AGBL1: variants seen among roughly 807,000 people sequenced by gnomAD.
The protein encoded by AGBL1 is cytosolic carboxypeptidase 4.
Under a neutral mutation model 118.9 loss-of-function variants are expected in AGBL1, and 130 were observed. The ratio of observed to expected loss-of-function variants is 1.09; its 90% CI spans 0.95 to 1.26. The LOEUF (loss-of-function observed/expected upper bound fraction) is 1.26. AGBL1 is among the 50% of genes most tolerant of loss of function. The probability of loss-of-function intolerance (pLI) is 0.00; values close to 1 mark genes in which losing one functional copy is unlikely to be tolerated. For missense variants in AGBL1, 1,584 were observed against 1,298.1 expected, an observed-to-expected ratio of 1.22 and a Z score of -3.38; for synonymous variants, 555 against 478.9, an observed-to-expected ratio of 1.16 and a Z score of -2.08.
At position 86,428,539 on chromosome 15, in the gene AGBL1, T is replaced by C. The variant is rs16977081; in HGVS notation, c.2555+30993T>C. On this transcript the variant is annotated intron_variant, in intron 18 of 22. Coordinates refer to ENST00000614907, the MANE Select transcript of AGBL1 (RefSeq NM_001386094.1). ...TATTGGACAAATCCAGTAAAAGATA[T>C]GCATTGTGTTTTTCATATGTCTTTG... 3.2e-3 allele frequency among the ~76,000 whole-genome samples: 482 copies of C among 152,344 alleles called. 1 individual carries two copies. Among genetic ancestry groups the C allele is most frequent in the African/African-American group, 0.011 (455 of 41,580 alleles).
chr15:86,965,312 A>T (rs976797717), intron 23 of AGBL1, among the ~76,000 whole-genome samples: 1 of 152,012 alleles, frequency 6.6e-6, no homozygotes, highest in African/African-American at 2.4e-5. Flanking sequence ...TGACTTTTTA[A>T]TGATTGCCAT....
chr15:86,438,151 C>T (rs939507357), intron 18 of AGBL1, among the ~76,000 whole-genome samples: 3 of 152,100 alleles, frequency 2.0e-5, no homozygotes, highest in Non-Finnish European at 4.4e-5. Context: ...CATGATCCAT[C>T]CATCTCGGCC....
In AGBL1 at chr15:86,649,007, C is replaced by G. The variant is rs545949047; in HGVS notation, c.2995-25266C>G. 5.9e-3 allele frequency among the ~76,000 whole-genome samples: 891 copies of G among 152,142 alleles called. 8 individuals carry two copies. Among genetic ancestry groups the G allele is most frequent in the African/African-American group, 0.02 (839 of 41,504 alleles). ...GAAGGAAGAGTGATATGAAGAGACC[C>G]TTTTTAAGAGATGGAGAAATGATAC... On this transcript the variant is annotated intron_variant, in intron 21 of 22. Coordinates refer to ENST00000614907, the MANE Select transcript of AGBL1 (RefSeq NM_001386094.1).
intron 22 of AGBL1, among the ~76,000 whole-genome samples, chr15:86,798,135 C>A (rs927664647): frequency 1.3e-5 from 2 of 152,084 alleles, no homozygotes; most frequent in African/African-American, 4.8e-5. Flanking sequence ...GACCATAGAA[C>A]AGAAATTCAG....
chr15:86,437,171 G>A (rs2082009936), intron 18 of AGBL1, among the ~76,000 whole-genome samples: 1 of 152,204 alleles, frequency 6.6e-6, no homozygotes, highest in Non-Finnish European at 1.5e-5. Context: ...GTATGGACTA[G>A]AGAAGCTAAA....
intron 22 of AGBL1, among the ~76,000 whole-genome samples, chr15:86,885,078 T>C (rs1436016151): frequency 6.6e-6 from 1 of 151,040 alleles, no homozygotes; most frequent in African/African-American, 2.4e-5. Flanking sequence ...AAATAAATTA[T>C]AATATATAAC....
intron 6 of AGBL1, among the ~76,000 whole-genome samples, chr15:86,244,143 A>C (rs1159826880): frequency 6.6e-6 from 1 of 151,984 alleles, no homozygotes; most frequent in Non-Finnish European, 1.5e-5. Context: ...AAAATTAAGC[A>C]ACATAAAAAT....
chr15:86,165,347 A>G (rs1178707752), intron 5 of AGBL1, among the ~76,000 whole-genome samples: 3 of 152,146 alleles, frequency 2.0e-5, no homozygotes. Flanking sequence ...TTTATGAGCT[A>G]GAAAAAATGT....
In AGBL1 at chr15:86,400,535, T is replaced by G. The variant is rs150939219; in HGVS notation, c.2555+2989T>G. 9.0e-3 allele frequency among the ~76,000 whole-genome samples: 1,365 copies of G among 151,800 alleles called. 25 individuals are homozygous for G. The highest frequency in any genetic ancestry group is 0.031 in the African/African-American group (1,283 of 41,410). The stretch of plus-strand genomic sequence containing the variant: ...TGGATAAGTTATTTTAGTGGTAATT[T>G]CTGGGATTTTGGTGCACCCATCCCC... On this transcript the variant is annotated intron_variant, in intron 18 of 22. Coordinates refer to ENST00000614907, the MANE Select transcript of AGBL1 (RefSeq NM_001386094.1).
At chr15:86,765,572 G>C (rs551174071) in intron 22 of AGBL1, among the ~76,000 whole-genome samples, 56 of 152,074 alleles carry the variant, frequency 3.7e-4, no homozygotes, top group African/African-American at 1.3e-3. Flanking sequence ...CCACATGGTA[G>C]GGACAGCATT....
chr15:86,299,307 G>T (rs976889614), intron 17 of AGBL1, among the ~76,000 whole-genome samples: 2 of 152,116 alleles, frequency 1.3e-5, no homozygotes, highest in African/African-American at 2.4e-5. Flanking sequence ...TATGGAAGAG[G>T]GGGGCTTAAG....
rs1596671991 is a variant in AGBL1 at position 86,955,255 on chromosome 15, T to A, written c.3222-32732T>A. The stretch of plus-strand genomic sequence containing the variant: ...TTATTAAATATTCATTGTAATGAAA[T>A]TTTTTTAAAACTCCTAAGCACAATT... On this transcript the variant is annotated intron_variant, in intron 23 of 24. Coordinates refer to the AGBL1 transcript ENST00000441037. Among the ~76,000 whole-genome samples, 4 of 152,088 alleles carry A rather than the reference T, an allele frequency of 2.6e-5. 1 individual carries two copies. In the South Asian group the frequency reaches 8.3e-4, roughly 31 times the overall value.
chr15:86,795,925 A>C (rs2078564344), intron 22 of AGBL1, among the ~76,000 whole-genome samples: 1 of 151,568 alleles, frequency 6.6e-6, no homozygotes, highest in African/African-American at 2.4e-5. Context: ...GCACACAATA[A>C]GAAAGCACCA....
intron 1 of AGBL1, among the ~76,000 whole-genome samples, chr15:86,091,162 C>T (rs1171057022): frequency 1.3e-5 from 2 of 152,110 alleles, no homozygotes; most frequent in Non-Finnish European, 2.9e-5. Flanking sequence ...GCAATATAAT[C>T]TGTTTCTTTG....
At chr15:86,091,204 T>G (rs557230870) in intron 1 of AGBL1, among the ~76,000 whole-genome samples, 2 of 152,324 alleles carry the variant, frequency 1.3e-5, no homozygotes, top group East Asian at 3.9e-4. Context: ...ATTGTTCATA[T>G]GTCTATTAAA....
At chr15:86,276,382 A>T (rs2079251528) in intron 15 of AGBL1, among the ~76,000 whole-genome samples, 1 of 152,242 alleles carries the variant, frequency 6.6e-6, no homozygotes, top group African/African-American at 2.4e-5. Flanking sequence ...TGCTCTAGAC[A>T]CTTAACCTCT....
intron 5 of AGBL1, among the ~76,000 whole-genome samples, chr15:86,221,017 T>C (rs1180756655): frequency 2.6e-5 from 4 of 151,988 alleles, no homozygotes; most frequent in Non-Finnish European, 4.4e-5. Context: ...CTAGCCAACA[T>C]GGTGAAACCC....
intron 5 of AGBL1, among the ~76,000 whole-genome samples, chr15:86,215,954 C>T (rs557136869): frequency 2.0e-5 from 3 of 152,236 alleles, no homozygotes; most frequent in African/African-American, 7.2e-5. Context: ...CTCTAGTTCT[C>T]AGTATAAAAG....
intron 21 of AGBL1, among the ~76,000 whole-genome samples, chr15:86,596,838 C>T (rs2084414136): frequency 1.3e-5 from 2 of 152,070 alleles, no homozygotes; most frequent in South Asian, 4.1e-4. Context: ...TCCCCTATTA[C>T]TCATCAACTT....
Sources: allele counts gnomAD v4.1 joint callset (sites outside exome capture counted in the v4.1 genomes callset), GRCh38; gene constraint gnomAD v4.1.1; transcripts MANE v1.5; gene names NCBI Gene and HGNC (gene_info 2026-07-23, HGNC 2026-07-21).